The following CCDC171 variants were observed in gnomAD, a reference collection of about 807,000 sequenced individuals.
The protein encoded by CCDC171 is coiled-coil domain containing 171, also known as coiled-coil domain-containing protein 171.
CCDC171 carries 177 observed loss-of-function variants against 168.2 expected under a neutral mutation model. That is an observed-to-expected ratio of 1.05 (90% confidence interval 0.93 to 1.19). The LOEUF is 1.19. Among genes scored for constraint, CCDC171 ranks in the 50% most tolerant of loss-of-function variants. The probability of loss-of-function intolerance (pLI) is 0.00; values close to 1 mark genes in which losing one functional copy is unlikely to be tolerated. For missense variants in CCDC171, 1,991 were observed against 1,539.0 expected (o/e 1.29, Z -4.91); for synonymous variants, 687 against 540.8 (o/e 1.27, Z -3.75).
At position 15,948,758 on chromosome 9, in the gene CCDC171, C is replaced by T. The variant is rs1479104107; in HGVS notation, c.3754-22851C>T. Among the ~76,000 whole-genome samples, 9 of 151,276 alleles carry T rather than the reference C, an allele frequency of 5.9e-5. No individual in the cohort carries two copies. In the East Asian group the frequency reaches 1.6e-3, roughly 27 times the overall value. ...GATGAGTAGGTTGCGAAGATTTTCT[C>T]CCATTTTGTGGGTTGCCTGTTCACT... On this transcript the variant is annotated intron_variant, in intron 25 of 25. Transcript: ENST00000380701.
intron 25 of CCDC171, among the ~76,000 whole-genome samples, chr9:15,967,237 C>T (rs1012336275): frequency 6.6e-6 from 1 of 152,318 alleles, no homozygotes; most frequent in South Asian, 2.1e-4. Flanking sequence ...GGGAGCCTCA[C>T]TGTAACACCC....
chr9:16,092,836 C>T, the CCDC171 span, among the ~76,000 whole-genome samples: 1 of 152,168 alleles, frequency 6.6e-6, no homozygotes, highest in Admixed American at 6.5e-5. Flanking sequence ...AGACCTGTGT[C>T]CCCAGGGGTG....
intron 3 of CCDC171, among the ~76,000 whole-genome samples, chr9:16,010,713 G>A (rs3008721): frequency 0.89 from 135,183 of 151,492 alleles, 60,500 homozygotes; most frequent in Admixed American, 0.92. Flanking sequence ...AGATAATAGT[G>A]TAGTGTTATT....
chr9:16,068,598 C>T, the CCDC171 span, among the ~76,000 whole-genome samples: 25 of 152,312 alleles, frequency 1.6e-4, no homozygotes, highest in East Asian at 3.5e-3. Flanking sequence ...GTTGTTTCGT[C>T]GTCTGTTAAT....
chr9:15,664,666 G>T (rs1448692003), intron 8 of CCDC171, among the ~76,000 whole-genome samples: 2 of 149,518 alleles, frequency 1.3e-5, no homozygotes, highest in Admixed American at 6.7e-5. Flanking sequence ...TTCATCCTAT[G>T]GTTGGTGGAC....
chr9:15,609,937 TC>T (rs764857094), intron 6 of CCDC171, among the ~76,000 whole-genome samples: 33 of 152,292 alleles, frequency 2.2e-4, no homozygotes, highest in Middle Eastern at 3.4e-3. Context: ...AAAGTTGACA[TC>T]CTTATAATGC....
chr9:15,683,843 G>T (rs2050203497), intron 10 of CCDC171, among the ~76,000 whole-genome samples: 2 of 151,976 alleles, frequency 1.3e-5, no homozygotes. Flanking sequence ...ATATGTTAAG[G>T]CCCATGTTCA....
At chr9:15,680,529 T>G (rs900863723) in intron 10 of CCDC171, among the ~76,000 whole-genome samples, 8 of 152,174 alleles carry the variant, frequency 5.3e-5, no homozygotes, top group African/African-American at 1.9e-4. Context: ...TCTTCAGTGT[T>G]TTTTCAGATG....
At chr9:15,725,035 C>A in intron 14 of CCDC171, 59 bp downstream of exon 14, 3 of 1,191,594 alleles carry the variant, frequency 2.5e-6, no homozygotes, top group Non-Finnish European at 3.7e-6. Context: ...CAGTGTTATA[C>A]ATCAAGTGAC....
intron 6 of CCDC171, among the ~76,000 whole-genome samples, chr9:15,614,097 C>A (rs1172465834): frequency 6.6e-6 from 1 of 152,176 alleles, no homozygotes; most frequent in African/African-American, 2.4e-5. Context: ...TCTGCCTTAG[C>A]CTTTGCTTCC....
At chr9:15,704,788 T>C (rs566250790) in intron 11 of CCDC171, among the ~76,000 whole-genome samples, 5 of 152,230 alleles carry the variant, frequency 3.3e-5, no homozygotes, top group Non-Finnish European at 5.9e-5. Flanking sequence ...CCAGAAGTTA[T>C]TTACCGAGAG....
rs200343444 is a variant in CCDC171, at chr9:16,023,353, TA to T, written n.998+448del. Among the ~76,000 whole-genome samples, 1,157 of 152,326 alleles carry T rather than the reference TA, an allele frequency of 7.6e-3. 18 individuals carry two copies. Among genetic ancestry groups the T allele is most frequent in the African/African-American group, 0.026 (1,078 of 41,574 alleles). On this transcript the variant is annotated intron_variant and non_coding_transcript_variant, in intron 6 of 9. Transcript: ENST00000486641. ...GCAAAATGATTAACATCTTAAGGAA[TA>T]AAGAATTTTTCTCAAATTTATTTTT...
At chr9:15,645,511 C>T (rs1385322234) in intron 7 of CCDC171, among the ~76,000 whole-genome samples, 2 of 152,082 alleles carry the variant, frequency 1.3e-5, no homozygotes, top group South Asian at 4.1e-4. Flanking sequence ...AAAGGTTGGA[C>T]GAATGGCTAA....
chr9:15,596,552 G>A (rs1305474710), intron 6 of CCDC171, among the ~76,000 whole-genome samples: 24 of 152,064 alleles, frequency 1.6e-4, no homozygotes, highest in Non-Finnish European at 3.2e-4. Context: ...CTGTAGCCTT[G>A]TAGTATAGTT....
At chr9:15,694,860 GC>G (rs2051093695) in intron 10 of CCDC171, among the ~76,000 whole-genome samples, 1 of 152,160 alleles carries the variant, frequency 6.6e-6, no homozygotes, top group Non-Finnish European at 1.5e-5. Context: ...CTGCCATCTG[GC>G]AACTTGCCAT....
the CCDC171 span, among the ~76,000 whole-genome samples, chr9:16,098,066 C>T: frequency 1.1e-3 from 161 of 152,322 alleles, no homozygotes; most frequent in African/African-American, 3.8e-3. Flanking sequence ...TCAGCGTAGC[C>T]TTTGTAGCCA....
At chr9:15,680,656 A>G (rs902047112) in intron 10 of CCDC171, among the ~76,000 whole-genome samples, 29 of 152,210 alleles carry the variant, frequency 1.9e-4, no homozygotes, top group African/African-American at 7.0e-4. Flanking sequence ...TTTGAATGTG[A>G]TGTTTTAGAA....
intron 23 of CCDC171, among the ~76,000 whole-genome samples, chr9:15,849,251 C>G (rs1326605747): frequency 6.6e-6 from 1 of 151,356 alleles, no homozygotes; most frequent in Non-Finnish European, 1.5e-5. Flanking sequence ...TTATATGTCT[C>G]ATAATGATAA....
At chr9:15,645,078 G>A (rs1473515850) in intron 7 of CCDC171, among the ~76,000 whole-genome samples, 2 of 152,240 alleles carry the variant, frequency 1.3e-5, no homozygotes, top group Non-Finnish European at 2.9e-5. Flanking sequence ...AACATTGGCT[G>A]TTCAGCAATA....
Sources: allele counts gnomAD v4.1 joint callset (sites outside exome capture counted in the v4.1 genomes callset), GRCh38; gene constraint gnomAD v4.1.1; transcripts MANE v1.5; gene names NCBI Gene and HGNC (gene_info 2026-07-23, HGNC 2026-07-21).